The following EFEMP1 variants were observed in gnomAD, a reference collection of about 807,000 sequenced individuals.
EFEMP1 encodes EGF-like fibulin extracellular matrix protein 1.
EFEMP1 carries 18 observed loss-of-function variants against 65.7 expected under a neutral mutation model. The observed-to-expected ratio is 0.27, with a 90% CI of 0.19 to 0.41. The LOEUF is 0.41. Ranked by LOEUF, EFEMP1 falls within the 10% of genes least tolerant of loss-of-function variation. The pLI is 1.00. For missense variants in EFEMP1, 469 were observed against 624.8 expected (o/e 0.75, Z 2.66); for synonymous variants, 237 against 219.7 (o/e 1.08, Z -0.70).
intron 5 of EFEMP1, among the ~76,000 whole-genome samples, chr2:55,912,516 GGTAGAT>G (rs896089128): frequency 3.3e-5 from 5 of 152,154 alleles, no homozygotes; most frequent in Admixed American, 2.6e-4. Context: ...TCTTTGCAAA[GGTAGAT>G]GTACAGATAA....
intron 5 of EFEMP1, among the ~76,000 whole-genome samples, chr2:55,893,778 T>C (rs570159552): frequency 6.6e-6 from 1 of 152,236 alleles, no homozygotes; most frequent in African/African-American, 2.4e-5. Flanking sequence ...TTAATGTAAT[T>C]TTCTATATAC....
intron 4 of EFEMP1, 42 bp downstream of exon 4, chr2:55,918,165 AAGAGATGGAGAC>A: frequency 6.2e-7 from 1 of 1,613,072 alleles, no homozygotes; most frequent in Non-Finnish European, 8.5e-7. Context: ...AGAGTGACAC[AAGAGATGGAGAC>A]AGAAGGCAAT....
chr2:55,880,429 T>C (rs904323004), intron 6 of EFEMP1, among the ~76,000 whole-genome samples: 3 of 152,218 alleles, frequency 2.0e-5, no homozygotes, highest in Admixed American at 1.3e-4. Context: ...AACTTTGTTA[T>C]CTCTGGAGTT....
chr2:55,868,062 C>T (rs1668651323), intron 11 of EFEMP1, among the ~76,000 whole-genome samples: 1 of 152,144 alleles, frequency 6.6e-6, no homozygotes, highest in Non-Finnish European at 1.5e-5. Context: ...CAGCTTGCAA[C>T]CCTCTGCTGC....
chr2:55,915,584 C>A (rs1341092778), intron 5 of EFEMP1, among the ~76,000 whole-genome samples: 2 of 152,068 alleles, frequency 1.3e-5, no homozygotes, highest in Non-Finnish European at 2.9e-5. Flanking sequence ...ATGTCAATGA[C>A]GGTCTACAAA....
At position 55,917,067 on chromosome 2, in the gene EFEMP1, C is replaced by T. The variant is rs1670720944; in HGVS notation, c.517+598G>A. ...CCTCCAAGGTAATGAGAAGCAGGAG[C>T]CCCATTTCTTTACTCCTGAATGAGG... On this transcript the variant is annotated intron_variant, in intron 5 of 11. Coordinates refer to ENST00000355426, the MANE Select transcript of EFEMP1 (RefSeq NM_001039348.3). This position sits in a 1 kb window ranked among gnomAD's most constrained non-coding sequence, Gnocchi z 6.3. Among the ~76,000 whole-genome samples the T allele has an allele frequency of 6.6e-6, 1 of 152,142 alleles. No individual in the cohort carries two copies. The highest frequency in any genetic ancestry group is 1.5e-5 in the Non-Finnish European group (1 of 68,014).
At position 55,903,751 on chromosome 2, in the gene EFEMP1, T is replaced by A. The variant is rs148321312; in HGVS notation, c.517+13914A>T. 5.5e-4 allele frequency among the ~76,000 whole-genome samples: 84 copies of A among 152,144 alleles called. 1 individual carries two copies. The East Asian group carries it at 0.016, about 29-fold the overall frequency. Reference sequence around the variant, plus strand: ...TTTCTATTTTCCTTCATCAGTCTTTTGAGGGACATATGCATTTATACAAAT... The same window carrying A: ...TTTCTATTTTCCTTCATCAGTCTTTAGAGGGACATATGCATTTATACAAAT... On this transcript the variant is annotated intron_variant, in intron 5 of 11. Coordinates refer to ENST00000355426, the MANE Select transcript of EFEMP1 (RefSeq NM_001039348.3).
At chr2:55,876,532 G>A (rs1358977841) in intron 8 of EFEMP1, 91 bp downstream of exon 8, 110 of 1,543,318 alleles carry the variant, frequency 7.1e-5, no homozygotes, top group East Asian at 9.6e-5. Flanking sequence ...ATGGGTAAGC[G>A]TTTGTTTTCA....
rs1251415039 is a variant in EFEMP1, at chr2:55,871,847, A to C, written c.1001-724T>G. On this transcript the variant is annotated intron_variant, in intron 9 of 11. Transcript: ENST00000355426. The surrounding 1 kb of genome is among the most constrained non-coding windows in gnomAD (Gnocchi z 4.2). Reference sequence around the variant, plus strand: ...GTGTTCCACCTCATAGAGCATAGCAATTTTAGGACTGTAAGGAAAAAGAGG... The same window carrying C: ...GTGTTCCACCTCATAGAGCATAGCACTTTTAGGACTGTAAGGAAAAAGAGG... Among the ~76,000 whole-genome samples, 3 of 152,052 alleles carry C rather than the reference A, an allele frequency of 2.0e-5. No homozygotes were observed. The highest frequency in any genetic ancestry group is 2.9e-5 in the Non-Finnish European group (2 of 68,000).
chr2:55,878,530 T>C (rs1395977353), intron 6 of EFEMP1, among the ~76,000 whole-genome samples: 1 of 152,188 alleles, frequency 6.6e-6, no homozygotes, highest in Non-Finnish European at 1.5e-5. Context: ...ACTAACATCT[T>C]AGAAGCATAA....
chr2:55,917,300 C>T lies in EFEMP1; in HGVS notation c.517+365G>A, dbSNP rs1310821051. Reference sequence around the variant, plus strand: ...GTGACCTCTGGTTCTCAAACTTGGCCGCACATGAGGAACTGAAAAAAAAGC... The same window carrying T: ...GTGACCTCTGGTTCTCAAACTTGGCTGCACATGAGGAACTGAAAAAAAAGC... On this transcript the variant is annotated intron_variant, in intron 5 of 11. Transcript: ENST00000355426. This position sits in a 1 kb window ranked among gnomAD's most constrained non-coding sequence, Gnocchi z 6.3. Among the ~76,000 whole-genome samples the T allele has an allele frequency of 1.3e-5, 2 of 152,010 alleles. No homozygotes were observed. Among genetic ancestry groups the T allele is most frequent in the African/African-American group, 2.4e-5 (1 of 41,384 alleles).
chr2:55,877,957 C>G lies in EFEMP1; in HGVS notation c.641-92G>C. ...TCTAGAAAACCTATGTAGAGAAAAT[C>G]TCTTTTTAAAAGTAATAATTTCCTA... On this transcript the variant is annotated intron_variant, in intron 6 of 11. Transcript: ENST00000355426. The surrounding 1 kb of genome is among the most constrained non-coding windows in gnomAD (Gnocchi z 4.5). The G allele has an allele frequency of 6.7e-7, 1 of 1,493,238 alleles. No individual in the cohort carries two copies. Among genetic ancestry groups the G allele is most frequent in the Non-Finnish European group, 9.1e-7 (1 of 1,094,240 alleles). The allele number at this position is 1,493,238 out of a possible 1,614,324, so 92.5% of individuals were successfully genotyped here.
At position 55,885,643 on chromosome 2, in the gene EFEMP1, G is replaced by C. The variant is rs1372312859; in HGVS notation, c.518-3909C>G. Among the ~76,000 whole-genome samples the C allele has an allele frequency of 2.0e-5, 3 of 152,094 alleles. No individual in the cohort carries two copies. The highest frequency in any genetic ancestry group is 4.4e-5 in the Non-Finnish European group (3 of 68,012). ...CCTCCTAGTGATTTATACTATTGTA[G>C]GTCCCTCTCTTGCTGACTTTGGCAC... On this transcript the variant is annotated intron_variant, in intron 5 of 11. Transcript: ENST00000355426. The surrounding 1 kb of genome is among the most constrained non-coding windows in gnomAD (Gnocchi z 4.3).
intron 5 of EFEMP1, among the ~76,000 whole-genome samples, chr2:55,893,123 C>T (rs1199145007): frequency 6.6e-6 from 1 of 152,094 alleles, no homozygotes; most frequent in Non-Finnish European, 1.5e-5. Flanking sequence ...AGGGGGTACC[C>T]TGTCAGTGAC....
chr2:55,901,917 T>C (rs770118863), intron 5 of EFEMP1, among the ~76,000 whole-genome samples: 68 of 152,192 alleles, frequency 4.5e-4, no homozygotes, highest in Non-Finnish European at 1.5e-4. Flanking sequence ...TGAGATGCTC[T>C]ATGGAGAAGT....
chr2:55,870,968 T>C lies in EFEMP1; in HGVS notation c.1124+32A>G. ...AGTTTGGCTTGGTAAGACCAGAAAA[T>C]CCTCACTTTCAAAAGTTCTGATTTT... On this transcript the variant is annotated intron_variant, in intron 10 of 11. Transcript: ENST00000355426. This position sits in a 1 kb window ranked among gnomAD's most constrained non-coding sequence, Gnocchi z 5.8. 1 of 1,613,624 alleles carries C rather than the reference T, an allele frequency of 6.2e-7. No individual in the cohort carries two copies. Among genetic ancestry groups the C allele is most frequent in the Non-Finnish European group, 8.5e-7 (1 of 1,179,756 alleles).
intron 5 of EFEMP1, among the ~76,000 whole-genome samples, chr2:55,907,219 C>G (rs566185472): frequency 6.6e-6 from 1 of 152,130 alleles, no homozygotes; most frequent in Non-Finnish European, 1.5e-5. Context: ...TACATGGTAC[C>G]TTCCTACTGA....
At position 55,923,592 on chromosome 2, in the gene EFEMP1, A is replaced by G. The variant is rs959918623; in HGVS notation, c.-49+119T>C. Reference sequence around the variant, plus strand: ...TCCCTCTCTGCCCGAGACACCCTGCACAGTCCAGGGCAGTTCTCGGGTACT... The same window carrying G: ...TCCCTCTCTGCCCGAGACACCCTGCGCAGTCCAGGGCAGTTCTCGGGTACT... On this transcript the variant is annotated intron_variant, in intron 1 of 11. Coordinates refer to ENST00000355426, the MANE Select transcript of EFEMP1 (RefSeq NM_001039348.3). This position sits in a 1 kb window ranked among gnomAD's most constrained non-coding sequence, Gnocchi z 5.3. The G allele has an allele frequency of 6.6e-5, 65 of 985,472 alleles. No homozygotes were observed. Among genetic ancestry groups the G allele is most frequent in the Middle Eastern group, 5.1e-4 (1 of 1,948 alleles). 61.0% of individuals were successfully genotyped at this position (985,472 alleles called of 1,614,324 possible). A position where few individuals can be genotyped will look rare whatever the true frequency, so the allele number is the denominator to read the frequency against.
At chr2:55,912,030 C>G (rs1380658984) in intron 5 of EFEMP1, among the ~76,000 whole-genome samples, 3 of 152,126 alleles carry the variant, frequency 2.0e-5, no homozygotes, top group African/African-American at 4.8e-5. Context: ...CCTGTAAACT[C>G]AACTCTTATC....
Sources: allele counts gnomAD v4.1 joint callset (sites outside exome capture counted in the v4.1 genomes callset), GRCh38; gene constraint gnomAD v4.1.1; non-coding constraint Gnocchi (gnomAD v3.1); transcripts MANE v1.5; gene names NCBI Gene and HGNC (gene_info 2026-07-23, HGNC 2026-07-21).